Variants in RBM17 observed in about 807,000 individuals in gnomAD.
RBM17 encodes RNA binding motif protein 17.
Under a neutral mutation model 53.2 loss-of-function variants are expected in RBM17, and 7 were observed. The observed-to-expected ratio is 0.13, with a 90% confidence interval of 0.07 to 0.25. RBM17 has a LOEUF of 0.25. Ranked by LOEUF, RBM17 falls within the 10% of genes least tolerant of loss-of-function variation. RBM17 has a pLI of 1.00. For missense variants in RBM17, 257 were observed against 496.7 expected, an observed-to-expected ratio of 0.52 and a Z score of 4.59; for synonymous variants, 167 against 178.1, an observed-to-expected ratio of 0.94 and a Z score of 0.50.
chr10:6,110,734 A>C (rs1433021235), intron 7 of RBM17, among the ~76,000 whole-genome samples: 10 of 152,238 alleles, frequency 6.6e-5, no homozygotes, highest in African/African-American at 2.4e-4. Flanking sequence ...GTATCACATG[A>C]AGGCTTTGTT....
intron 2 of RBM17, among the ~76,000 whole-genome samples, chr10:6,100,216 G>T (rs1440669826): frequency 1.3e-5 from 2 of 152,158 alleles, no homozygotes; most frequent in Non-Finnish European, 2.9e-5. Context: ...GCCTTTTATA[G>T]TGGTAATGAA....
At chr10:6,105,470 G>A (rs1840736002) in intron 4 of RBM17, among the ~76,000 whole-genome samples, 1 of 152,214 alleles carries the variant, frequency 6.6e-6, no homozygotes, top group Admixed American at 6.5e-5. Flanking sequence ...CAAAGGAAAT[G>A]TGCATTGGGG....
At chr10:6,109,857 G>T (rs1246777310) in intron 6 of RBM17, 129 bp from the exon 7 acceptor site, 4 of 666,292 alleles carry the variant, frequency 6.0e-6, no homozygotes, top group Middle Eastern at 4.6e-4. Flanking sequence ...AATTGATTTG[G>T]TGTTTTTCTC....
intron 5 of RBM17, among the ~76,000 whole-genome samples, chr10:6,107,183 A>T (rs1250629524): frequency 1.3e-5 from 2 of 152,166 alleles, no homozygotes; most frequent in Admixed American, 6.5e-5. Flanking sequence ...AGAAGAATGA[A>T]TTTATTTATT....
At chr10:6,097,003 T>A in intron 1 of RBM17, 45 bp from the exon 2 acceptor site, 2 of 1,556,648 alleles carry the variant, frequency 1.3e-6, no homozygotes, top group Non-Finnish European at 1.7e-6. Flanking sequence ...GAAAAGCCTT[T>A]ATTGAATTGT....
At chr10:6,097,602 C>T (rs907585496) in intron 2 of RBM17, among the ~76,000 whole-genome samples, 11 of 152,296 alleles carry the variant, frequency 7.2e-5, no homozygotes, top group Non-Finnish European at 1.5e-4. Context: ...ACCCGGGAGG[C>T]AGAGCTTGCA....
intron 2 of RBM17, among the ~76,000 whole-genome samples, chr10:6,097,704 A>G (rs1035220413): frequency 6.6e-6 from 1 of 152,094 alleles, no homozygotes; most frequent in African/African-American, 2.4e-5. Context: ...AAAAAACAGT[A>G]CTCTGAACCA....
intron 1 of RBM17, among the ~76,000 whole-genome samples, chr10:6,095,432 C>T (rs1245398278): frequency 6.6e-6 from 1 of 152,038 alleles, no homozygotes; most frequent in African/African-American, 2.4e-5. Context: ...AGGCTGATCT[C>T]TTAACTCCTG....
intron 3 of RBM17, among the ~76,000 whole-genome samples, chr10:6,102,033 C>G (rs1224416538): frequency 1.3e-5 from 2 of 152,088 alleles, no homozygotes; most frequent in African/African-American, 2.4e-5. Flanking sequence ...AAGGATAACT[C>G]AAAATCATAG....
At chr10:6,098,563 G>GTGTTTTTTTTTTT (rs1554834988) in intron 2 of RBM17, among the ~76,000 whole-genome samples, 12 of 46,642 alleles carry the variant, frequency 2.6e-4, no homozygotes, top group South Asian at 5.6e-4. Flanking sequence ...CAGGTTTTTT[G>GTGTTTTTTTTTTT]TTTTTTTTTT....
chr10:6,112,318 C>T lies in RBM17; in HGVS notation c.813C>T (p.Ser271=). The T allele has an allele frequency of 6.2e-7, 1 of 1,613,980 alleles. No homozygotes were observed. Among genetic ancestry groups the T allele is most frequent in the Non-Finnish European group, 8.5e-7 (1 of 1,180,010 alleles). ...LSTALSVEKT[S]KRGGKIIVGD... ...CTGCCTTGTCAGTGGAGAAGACCAG[C>T]AAGCGTGGCGGCAAGATCATCGTGG... Residue 271 remains serine (S), a synonymous_variant, in exon 8 of 12, where the codon AGC becomes AGT. Coordinates refer to ENST00000379888, the MANE Select transcript of RBM17 (RefSeq NM_032905.5). This position sits in a 1 kb window ranked among gnomAD's most constrained non-coding sequence, Gnocchi z 4.4.
At chr10:6,101,098 A>G (rs929563381) in intron 2 of RBM17, among the ~76,000 whole-genome samples, 173 bp from the exon 3 acceptor site, 2 of 152,210 alleles carry the variant, frequency 1.3e-5, no homozygotes, top group African/African-American at 4.8e-5. Flanking sequence ...GAAAAAGCTG[A>G]AAGAAAATAA....
At chr10:6,101,846 C>T (rs1840674391) in intron 3 of RBM17, among the ~76,000 whole-genome samples, 1 of 152,086 alleles carries the variant, frequency 6.6e-6, no homozygotes, top group African/African-American at 2.4e-5. Context: ...CTATTTTTTG[C>T]TATCATAAAC....
At chr10:6,097,000 C>T (rs913391768) in intron 1 of RBM17, 48 bp from the exon 2 acceptor site, 2 of 1,546,914 alleles carry the variant, frequency 1.3e-6, no homozygotes, top group African/African-American at 2.8e-5. Context: ...CATGAAAAGC[C>T]TTTATTGAAT....
At chr10:6,098,257 G>A (rs1306906156) in intron 2 of RBM17, among the ~76,000 whole-genome samples, 2 of 152,190 alleles carry the variant, frequency 1.3e-5, no homozygotes. Context: ...GTTGTGCACA[G>A]TGTATCTGTG....
At chr10:6,114,344 G>A (rs567801017) in intron 10 of RBM17, 197 bp downstream of exon 10, 20 of 442,722 alleles carry the variant, frequency 4.5e-5, no homozygotes, top group Admixed American at 3.6e-4. Flanking sequence ...TTTATTTGAT[G>A]AAGAAACAGG....
intron 2 of RBM17, 135 bp downstream of exon 2, chr10:6,097,323 G>C (rs562266065): frequency 1.2e-4 from 105 of 872,540 alleles, no homozygotes; most frequent in Non-Finnish European, 1.7e-4. Context: ...TAGGGGGAGA[G>C]GAATGAGGAG....
chr10:6,098,416 A>G (rs931399268), intron 2 of RBM17, among the ~76,000 whole-genome samples: 18 of 152,180 alleles, frequency 1.2e-4, no homozygotes, highest in Admixed American at 2.6e-4. Flanking sequence ...CTTCTAAACA[A>G]TTCAGTCCCG....
chr10:6,091,129 G>T (rs1840478751), intron 1 of RBM17, among the ~76,000 whole-genome samples: 1 of 151,356 alleles, frequency 6.6e-6, no homozygotes, highest in Non-Finnish European at 1.5e-5. Flanking sequence ...GTGTAAGTCG[G>T]CTCACTGCAA....
Sources: allele counts gnomAD v4.1 joint callset (sites outside exome capture counted in the v4.1 genomes callset), GRCh38; gene constraint gnomAD v4.1.1; non-coding constraint Gnocchi (gnomAD v3.1); transcripts MANE v1.5; gene names NCBI Gene and HGNC (gene_info 2026-07-23, HGNC 2026-07-21).